EXOSC1: variants seen among roughly 807,000 people sequenced by gnomAD.
EXOSC1 encodes the protein exosome complex component CSL4.
In EXOSC1, 27 loss-of-function variants were observed where a neutral mutation model predicts 31.4. The observed-to-expected ratio is 0.86, with a 90% CI of 0.63 to 1.18. The LOEUF (loss-of-function observed/expected upper bound fraction) is 1.18. EXOSC1 is among the 50% of genes most tolerant of loss of function. The pLI is 0.00. For missense variants in EXOSC1, 228 were observed against 250.3 expected, an observed-to-expected ratio of 0.91 and a Z score of 0.60; for synonymous variants, 84 against 89.5, an observed-to-expected ratio of 0.94 and a Z score of 0.35.
chr10:97,437,318 T>C, intron 6 of EXOSC1, 43 bp from the exon 7 acceptor site: 2 of 1,481,866 alleles, frequency 1.3e-6, no homozygotes, highest in Non-Finnish European at 9.4e-7. Context: ...GAGTTAGAAG[T>C]CTTCCCCCAC....
chr10:97,445,794 G>C lies in EXOSC1; in HGVS notation c.85C>G (p.Arg29Gly). ...EGSPGSGTYT[R>G]HGYIFSSLAG... ...AGCGACGAAAAGATGTAGCCGTGGCGGGTGTAGGTGCCGCTGCCCGGGCTG... is the reference window on the plus strand; with the variant it reads ...AGCGACGAAAAGATGTAGCCGTGGCCGGTGTAGGTGCCGCTGCCCGGGCTG... Residue 29 changes from arginine to glycine, a missense_variant, in exon 2 of 8, where the codon CGC becomes GGC. By Grantham distance (125) the Arg-to-Gly change is moderately radical. Coordinates refer to ENST00000370902, the MANE Select transcript of EXOSC1 (RefSeq NM_016046.5). 6.2e-7 allele frequency: 1 copy of C among 1,613,928 alleles called. No homozygotes were observed. The highest frequency in any genetic ancestry group is 8.5e-7 in the Non-Finnish European group (1 of 1,179,898).
At chr10:97,437,345 G>T in intron 6 of EXOSC1, 70 bp from the exon 7 acceptor site, 3 of 1,235,794 alleles carry the variant, frequency 2.4e-6, no homozygotes, top group Non-Finnish European at 3.5e-6. Context: ...CACCTGAGTT[G>T]TTTTTCTACC....
At chr10:97,439,317 G>A (rs564402011) in intron 4 of EXOSC1, among the ~76,000 whole-genome samples, 3 of 152,266 alleles carry the variant, frequency 2.0e-5, no homozygotes, top group South Asian at 2.1e-4. Context: ...GTGAGGAACC[G>A]GGCTGCATAG....
chr10:97,442,037 C>G (rs946400168), intron 3 of EXOSC1, among the ~76,000 whole-genome samples: 1 of 151,496 alleles, frequency 6.6e-6, no homozygotes, highest in Non-Finnish European at 1.5e-5. Flanking sequence ...ATTAGCCAGG[C>G]GTGGCAGCAC....
At chr10:97,445,693 G>C (rs899721815) in intron 2 of EXOSC1, 39 bp downstream of exon 2, 11 of 1,597,168 alleles carry the variant, frequency 6.9e-6, no homozygotes, top group African/African-American at 1.3e-5. Context: ...GGCAGCCTAA[G>C]GGAAAAACAG....
chr10:97,436,734 G>A (rs1278809445), intron 7 of EXOSC1, among the ~76,000 whole-genome samples, 183 bp from the exon 8 acceptor site: 1 of 152,164 alleles, frequency 6.6e-6, no homozygotes, highest in Non-Finnish European at 1.5e-5. Context: ...TTTATATAAG[G>A]AGAATCAGGC....
chr10:97,437,071 T>C (rs1192928470), intron 7 of EXOSC1, 120 bp downstream of exon 7: 4 of 882,708 alleles, frequency 4.5e-6, no homozygotes, highest in Non-Finnish European at 7.3e-6. Context: ...CATTCTAATC[T>C]CAGAGGGAAA....
In EXOSC1 at chr10:97,438,654, A is replaced by G; in HGVS notation, c.345+16T>C. 6.2e-7 allele frequency: 1 copy of G among 1,610,136 alleles called. No homozygotes were observed. Among genetic ancestry groups the G allele is most frequent in the Non-Finnish European group, 8.5e-7 (1 of 1,178,364 alleles). On this transcript the variant is annotated intron_variant, in intron 5 of 7. Coordinates refer to ENST00000370902, the MANE Select transcript of EXOSC1 (RefSeq NM_016046.5). ...AGATACGTAAAGCCATTAAAAAAAA[A>G]GAACCAACCAACAACCTTGTCTTTT... is the stretch of plus-strand genomic sequence containing the variant.
chr10:97,437,765 C>T lies in EXOSC1; in HGVS notation c.346-15G>A. 1 of 1,611,762 alleles carries T rather than the reference C, an allele frequency of 6.2e-7. No homozygotes were observed. On this transcript the variant is annotated splice_polypyrimidine_tract_variant and intron_variant, in intron 5 of 7. Transcript: ENST00000370902. ...TAAATTTCAACCTGTAAAGAAAGAACAGGAATGTTAAGTGAAAGCTCTAGA... is the reference window on the plus strand; with the variant it reads ...TAAATTTCAACCTGTAAAGAAAGAATAGGAATGTTAAGTGAAAGCTCTAGA...
At chr10:97,445,644 C>G in intron 2 of EXOSC1, 88 bp downstream of exon 2, 3 of 1,226,508 alleles carry the variant, frequency 2.4e-6, no homozygotes, top group Non-Finnish European at 3.5e-6. Context: ...GCACTAAAGA[C>G]GCGTCCGCAG....
chr10:97,439,376 C>T (rs1362715744), intron 4 of EXOSC1, among the ~76,000 whole-genome samples: 2 of 152,126 alleles, frequency 1.3e-5, no homozygotes. Context: ...AGCTGCTTCC[C>T]AATCGCATAC....
chr10:97,440,184 C>G (rs573483937), intron 4 of EXOSC1, among the ~76,000 whole-genome samples: 47 of 152,192 alleles, frequency 3.1e-4, no homozygotes, highest in African/African-American at 1.1e-3. Flanking sequence ...GTTGGTCAGG[C>G]TGGTCTCGAA....
Position 97,436,379 on chromosome 10 carries a change from A to T in EXOSC1, c.*66T>A. On this transcript the variant is annotated 3_prime_UTR_variant, in exon 8 of 8. Coordinates refer to ENST00000370902, the MANE Select transcript of EXOSC1 (RefSeq NM_016046.5). ...GCCGACGCCAGGTGTTTGAATAAAG[A>T]CAGCAGCATCTTGGTGTTATACTCA... The T allele has an allele frequency of 1.6e-6, 2 of 1,219,366 alleles. No individual in the cohort carries two copies. The highest frequency in any genetic ancestry group is 1.9e-5 in the Admixed American group (1 of 53,368). 75.5% of individuals were successfully genotyped at this position (1,219,366 alleles called of 1,614,324 possible). A position where few individuals can be genotyped will look rare whatever the true frequency, so the allele number is the denominator to read the frequency against.
chr10:97,437,908 T>G (rs1365693493), intron 5 of EXOSC1, among the ~76,000 whole-genome samples, 158 bp from the exon 6 acceptor site: 1 of 152,190 alleles, frequency 6.6e-6, no homozygotes, highest in Non-Finnish European at 1.5e-5. Context: ...TTCTACAGTA[T>G]TATCATACAA....
intron 5 of EXOSC1, among the ~76,000 whole-genome samples, chr10:97,438,213 G>A (rs549847808): frequency 2.6e-5 from 4 of 151,866 alleles, no homozygotes; most frequent in East Asian, 1.9e-4. Flanking sequence ...CACTGCACCC[G>A]GCCCTTTTTT....
At position 97,441,227 on chromosome 10, in the gene EXOSC1, T is replaced by C. The variant is rs1014854936; in HGVS notation, c.255A>G (p.Val85=). ...VSSINSRFAK[V]HILYVGSMPL... Reference sequence around the variant, plus strand: ...GCATGGACCCCACATACAGGATGTGTACTTTGGCAAAGCGTGAATTGATGC... The same window carrying C: ...GCATGGACCCCACATACAGGATGTGCACTTTGGCAAAGCGTGAATTGATGC... The change falls in exon 4 of 8, where the codon GTA becomes GTG. Residue 85 remains valine, a synonymous_variant. Transcript: ENST00000370902. The C allele has an allele frequency of 6.2e-7, 1 of 1,614,134 alleles. No homozygotes were observed. Among genetic ancestry groups the C allele is most frequent in the Non-Finnish European group, 8.5e-7 (1 of 1,179,992 alleles).
chr10:97,443,038 C>A (rs1181652809), intron 3 of EXOSC1, among the ~76,000 whole-genome samples, 199 bp downstream of exon 3: 2 of 152,114 alleles, frequency 1.3e-5, no homozygotes, highest in African/African-American at 4.8e-5. Context: ...GTTTCCCAGG[C>A]TGGTCTTGAA....
At chr10:97,439,040 C>T (rs902809135) in intron 4 of EXOSC1, among the ~76,000 whole-genome samples, 6 of 152,108 alleles carry the variant, frequency 3.9e-5, no homozygotes, top group African/African-American at 1.4e-4. Flanking sequence ...GCATGAGTCA[C>T]CTTGCCCAGC....
intron 7 of EXOSC1, 142 bp downstream of exon 7, chr10:97,437,047 AAG>A: frequency 2.4e-6 from 2 of 819,194 alleles, no homozygotes; most frequent in Non-Finnish European, 4.0e-6. Flanking sequence ...CCAAGCAAAA[AAG>A]AAAAAAATAA....
Sources: allele counts gnomAD v4.1 joint callset (sites outside exome capture counted in the v4.1 genomes callset), GRCh38; gene constraint gnomAD v4.1.1; transcripts MANE v1.5; gene names NCBI Gene and HGNC (gene_info 2026-07-23, HGNC 2026-07-21).